The following SLC25A28 variants were observed in gnomAD, a reference collection of about 807,000 sequenced individuals.
SLC25A28 encodes the protein mitoferrin-2.
A neutral mutation model predicts 31.9 loss-of-function variants in SLC25A28; 10 were observed. That is an observed-to-expected ratio of 0.31 (90% CI 0.19 to 0.53). SLC25A28 has a LOEUF of 0.53. SLC25A28 is among the 20% of genes least tolerant of loss of function. The pLI is 0.95. For missense variants in SLC25A28, 256 were observed against 490.3 expected (o/e 0.52, Z 4.51); for synonymous variants, 208 against 203.6 (o/e 1.02, Z -0.19).
chr10:99,613,811 G>T lies in SLC25A28; in HGVS notation c.405C>A (p.Asn135Lys). The change falls in exon 2 of 4, where the codon AAC becomes AAA. Residue 135 changes from asparagine (N) to lysine (K), a missense_variant. Physicochemically the swap from Asn to Lys is moderately conservative, Grantham distance 94 (BLOSUM62 0). Around this residue, in one of 4 missense-constraint regions of SLC25A28, gnomAD observed 158 missense variants for 379.1 expected, o/e 0.42. Coordinates refer to ENST00000370495, the MANE Select transcript of SLC25A28 (RefSeq NM_031212.4). The surrounding 1 kb of genome is among the most constrained non-coding windows in gnomAD (Gnocchi z 4.9). Reference protein sequence around the residue: ...EGLWRPMRGLNVTATGAGPAH... With the variant: ...EGLWRPMRGLKVTATGAGPAH... Reference sequence around the variant, plus strand: ...CAGGCCCTGCGCCTGTTGCTGTGACGTTCAGCCCCCTCATGGGCCTCCATA... The same window carrying T: ...CAGGCCCTGCGCCTGTTGCTGTGACTTTCAGCCCCCTCATGGGCCTCCATA... 6.2e-7 allele frequency: 1 copy of T among 1,614,228 alleles called. No homozygotes were observed. The highest frequency in any genetic ancestry group is 8.5e-7 in the Non-Finnish European group (1 of 1,180,050).
At chr10:99,646,741 A>G in the SLC25A28 span, among the ~76,000 whole-genome samples, 135,803 of 152,254 alleles carry the variant, frequency 0.89, 60,685 homozygotes, top group African/African-American at 0.94. Context: ...GCATAGTGGT[A>G]AAGTCTGCAC....
At chr10:99,654,542 G>C in the SLC25A28 span, among the ~76,000 whole-genome samples, 3 of 152,054 alleles carry the variant, frequency 2.0e-5, no homozygotes, top group Admixed American at 6.6e-5. Flanking sequence ...TGTGCCTGTA[G>C]TCCCAGTTAC....
At chr10:99,632,161 G>T in the SLC25A28 span, among the ~76,000 whole-genome samples, 1 of 151,948 alleles carries the variant, frequency 6.6e-6, no homozygotes, top group Admixed American at 6.6e-5. Context: ...CTCCCAAAGT[G>T]CTGGGATTAC....
chr10:99,657,040 T>A, the SLC25A28 span, among the ~76,000 whole-genome samples: 10 of 152,298 alleles, frequency 6.6e-5, no homozygotes, highest in African/African-American at 2.2e-4. Context: ...GAAAATATAA[T>A]GAAAAAATGT....
chr10:99,629,287 C>T, the SLC25A28 span, among the ~76,000 whole-genome samples: 1 of 152,206 alleles, frequency 6.6e-6, no homozygotes, highest in African/African-American at 2.4e-5. Flanking sequence ...TCTGCAGAAG[C>T]AGCCTGAGGC....
the SLC25A28 span, among the ~76,000 whole-genome samples, chr10:99,654,255 TTAAAAA>T: frequency 1.3e-5 from 2 of 152,112 alleles, no homozygotes; most frequent in Admixed American, 1.3e-4. Flanking sequence ...ATTCACTGAC[TTAAAAA>T]TAAGAACAAT....
chr10:99,624,149 CT>C (rs34366480), upstream of SLC25A28, among the ~76,000 whole-genome samples: 272 of 103,176 alleles, frequency 2.6e-3, 10 homozygotes, highest in East Asian at 0.06. Context: ...TTCTCTTTTT[CT>C]TTCTTTCTTC....
the SLC25A28 span, among the ~76,000 whole-genome samples, chr10:99,636,633 CA>C: frequency 6.6e-6 from 1 of 152,056 alleles, no homozygotes; most frequent in African/African-American, 2.4e-5. Flanking sequence ...TGCTGAAATA[CA>C]AAAGATCATT....
the SLC25A28 span, among the ~76,000 whole-genome samples, chr10:99,643,500 A>G: frequency 2.0e-5 from 3 of 151,850 alleles, no homozygotes; most frequent in Non-Finnish European, 4.4e-5. Context: ...AATTTTGTTG[A>G]TCTTTTCAAA....
chr10:99,651,660 A>G, the SLC25A28 span, among the ~76,000 whole-genome samples: 1 of 141,344 alleles, frequency 7.1e-6, no homozygotes, highest in South Asian at 2.3e-4. Flanking sequence ...GCACATTCAT[A>G]GCTCACTGCA....
upstream of SLC25A28, chr10:99,620,946 C>T (rs1358268906): frequency 1.0e-6 from 1 of 957,804 alleles, no homozygotes; most frequent in Non-Finnish European, 1.2e-6. Flanking sequence ...CCGTTACGAC[C>T]CGCGCTCCCG....
chr10:99,632,680 T>G, the SLC25A28 span, among the ~76,000 whole-genome samples: 5 of 152,312 alleles, frequency 3.3e-5, no homozygotes, highest in Admixed American at 2.6e-4. Context: ...GTCCTTTGCT[T>G]TTATTCTTTC....
At position 99,620,439 on chromosome 10, in the gene SLC25A28, C is replaced by A. The variant is rs1007081212; in HGVS notation, c.-104G>T. 9.6e-7 allele frequency: 1 copy of A among 1,045,164 alleles called. No individual in the cohort carries two copies. Among genetic ancestry groups the A allele is most frequent in the African/African-American group, 1.7e-5 (1 of 58,536 alleles). The allele number at this position is 1,045,164 out of a possible 1,614,324, so 64.7% of individuals were successfully genotyped here. A position where few individuals can be genotyped will look rare whatever the true frequency, so the allele number is the denominator to read the frequency against. On this transcript the variant is annotated 5_prime_UTR_variant, in exon 1 of 4. Coordinates refer to ENST00000370495, the MANE Select transcript of SLC25A28 (RefSeq NM_031212.4). Reference sequence around the variant, plus strand: ...CGCCTCAGGCGCGGCCCAGAGAGCCCGGGGCCTCCGGCTCCCGCTTGGCCC... The same window carrying A: ...CGCCTCAGGCGCGGCCCAGAGAGCCAGGGGCCTCCGGCTCCCGCTTGGCCC...
At chr10:99,628,972 C>T in the SLC25A28 span, among the ~76,000 whole-genome samples, 5 of 152,094 alleles carry the variant, frequency 3.3e-5, no homozygotes, top group African/African-American at 9.7e-5. Context: ...TTTGGCAGTT[C>T]CTCAAAAAGT....
the SLC25A28 span, among the ~76,000 whole-genome samples, chr10:99,638,950 G>A: frequency 6.6e-6 from 1 of 151,988 alleles, no homozygotes; most frequent in African/African-American, 2.4e-5. Flanking sequence ...TCTACTCAGA[G>A]GAAAATAAGT....
intron 1 of SLC25A28, chr10:99,616,092 A>C: frequency 1.0e-6 from 1 of 985,450 alleles, no homozygotes; most frequent in Non-Finnish European, 1.2e-6. Context: ...TGGGCCAATA[A>C]ATCTGCCTTT....
chr10:99,647,613 G>A, the SLC25A28 span, among the ~76,000 whole-genome samples: 11 of 152,202 alleles, frequency 7.2e-5, no homozygotes, highest in South Asian at 6.2e-4. Flanking sequence ...TCTGTAAATT[G>A]TCTGTTTACT....
chr10:99,652,384 A>G, the SLC25A28 span, among the ~76,000 whole-genome samples: 1 of 152,228 alleles, frequency 6.6e-6, no homozygotes, highest in Non-Finnish European at 1.5e-5. Flanking sequence ...ACACAGAGGA[A>G]AGTGGTTGAG....
upstream of SLC25A28, chr10:99,622,590 AT>A: frequency 5.3e-6 from 5 of 937,394 alleles, no homozygotes; most frequent in Non-Finnish European, 6.4e-6. Flanking sequence ...TCTTTTTCCT[AT>A]TCCCGTTTTT....
Sources: gnomAD v4.1 joint callset for allele counts (sites outside exome capture counted in the v4.1 genomes callset) on GRCh38, gnomAD v4.1.1 for gene constraint, gnomAD v4.1.1 regional missense constraint, Gnocchi (gnomAD v3.1) non-coding constraint, MANE v1.5 for transcripts, NCBI Gene and HGNC (gene_info 2026-07-23, HGNC 2026-07-21) for gene names.